ASMTL: variants seen among roughly 807,000 people sequenced by gnomAD.
ASMTL encodes acetylserotonin O-methyltransferase like.
In ASMTL, 57 loss-of-function variants were observed where a neutral mutation model predicts 60.3. That is an observed-to-expected ratio of 0.95 (90% confidence interval 0.76 to 1.18). ASMTL has a LOEUF of 1.18. ASMTL is among the 50% of genes most tolerant of loss of function. The probability of loss-of-function intolerance (pLI) is 0.00; values close to 1 mark genes in which losing one functional copy is unlikely to be tolerated. For synonymous variants in ASMTL, 419 were observed against 373.0 expected (o/e 1.12, Z -1.42); for missense variants, 981 against 852.6 (o/e 1.15, Z -1.88).
Position 1,412,860 on chromosome X carries a change from T to C in ASMTL, c.1523-6A>G. On this transcript the variant is annotated splice_polypyrimidine_tract_variant and splice_region_variant and intron_variant, in intron 11 of 12. Coordinates refer to ENST00000381317, the MANE Select transcript of ASMTL (RefSeq NM_004192.4). ...GGGGTCCCTGAAAAAGTCACCTGGT[T>C]TAAAGACAAAACGAGATACGTCCGT... 6.2e-7 allele frequency: 1 copy of C among 1,613,702 alleles called. No homozygotes were observed. Among genetic ancestry groups the C allele is most frequent in the South Asian group, 1.1e-5 (1 of 91,064 alleles).
rs199903240 is a variant in ASMTL, at chrX:1,403,464, C to T, written c.1671G>A (p.Thr557=). The T allele has an allele frequency of 4.7e-4, 764 of 1,612,938 alleles. 2 individuals carry two copies. The highest frequency in any genetic ancestry group is 6.3e-4 in the Non-Finnish European group (746 of 1,179,856). ...KPGAGLLLVE[T]LLDEEKRVAQ... is the part of the protein sequence containing the mutation. ...CCACCCTCTTCTCCTCATCCAGGAG[C>T]GTCTCCACCAGCAGCAGGCCGGCCC... The change falls in exon 13 of 13, where the codon ACG becomes ACA. Residue 557 remains threonine, a synonymous_variant. Transcript: ENST00000381317.
intron 7 of ASMTL, among the ~76,000 whole-genome samples, chrX:1,426,490 CT>C (rs1451261162): frequency 1.3e-5 from 2 of 152,186 alleles, no homozygotes; most frequent in African/African-American, 4.8e-5. Flanking sequence ...TGAGGGACCC[CT>C]GGTGTTGGGA....
At chrX:1,430,366 A>C (rs1275436389) in intron 6 of ASMTL, among the ~76,000 whole-genome samples, 1 of 152,134 alleles carries the variant, frequency 6.6e-6, no homozygotes, top group Admixed American at 6.6e-5. Context: ...ATTCCATATA[A>C]GTGAGATCCT....
rs749012744 is a variant in ASMTL at position 1,447,874 on chromosome X, T to C, written c.93+4874A>G. Reference sequence around the variant, plus strand: ...ACACCATCTGGGACACACACTGCCATCTTGGACCCATAACACCATCTTGGA... The same window carrying C: ...ACACCATCTGGGACACACACTGCCACCTTGGACCCATAACACCATCTTGGA... On this transcript the variant is annotated intron_variant, in intron 1 of 12. Coordinates refer to ENST00000381317, the MANE Select transcript of ASMTL (RefSeq NM_004192.4). Among the ~76,000 whole-genome samples the C allele has an allele frequency of 2.0e-5, 3 of 149,500 alleles. No homozygotes were observed. The East Asian group carries it at 6.0e-4, about 30-fold the overall frequency.
intron 6 of ASMTL, among the ~76,000 whole-genome samples, chrX:1,429,101 G>A (rs2090700259): frequency 6.6e-6 from 1 of 151,632 alleles, no homozygotes; most frequent in Non-Finnish European, 1.5e-5. Flanking sequence ...CACCATGTTG[G>A]CCACGATGGT....
chrX:1,410,986 G>C (rs181970169), intron 12 of ASMTL, among the ~76,000 whole-genome samples: 6 of 151,740 alleles, frequency 4.0e-5, no homozygotes, highest in Non-Finnish European at 8.8e-5. Flanking sequence ...GGGAGTTCGA[G>C]ACCAGCCTGA....
chrX:1,416,052 C>A (rs770054727), intron 11 of ASMTL, among the ~76,000 whole-genome samples: 1 of 150,034 alleles, frequency 6.7e-6, no homozygotes, highest in Non-Finnish European at 1.5e-5. Flanking sequence ...CAGGCACACG[C>A]GCACAGAGAC....
At chrX:1,452,467 C>T (rs1458311532) in intron 1 of ASMTL, among the ~76,000 whole-genome samples, 2 of 150,284 alleles carry the variant, frequency 1.3e-5, no homozygotes, top group Non-Finnish European at 3.0e-5. Flanking sequence ...CTAGGGGTCC[C>T]GGGTTACGAT....
In ASMTL at chrX:1,427,634, C is replaced by A. The variant is rs1194106014; in HGVS notation, c.897+100G>T. 3 of 1,330,224 alleles carry A rather than the reference C, an allele frequency of 2.3e-6. No homozygotes were observed. In the Admixed American group the frequency reaches 6.4e-5, roughly 28 times the overall value. The allele number at this position is 1,330,224 out of a possible 1,614,324, so 82.4% of individuals were successfully genotyped here. ...GGCCCTGAGACAACCTGACCTCAGACTGCCAGCCTCCAGGACAGTGAGAAG... is the reference window on the plus strand; with the variant it reads ...GGCCCTGAGACAACCTGACCTCAGAATGCCAGCCTCCAGGACAGTGAGAAG... On this transcript the variant is annotated intron_variant, in intron 7 of 12. Coordinates refer to ENST00000381317, the MANE Select transcript of ASMTL (RefSeq NM_004192.4).
chrX:1,414,505 C>T (rs1443036375), intron 11 of ASMTL, among the ~76,000 whole-genome samples: 4 of 152,024 alleles, frequency 2.6e-5, no homozygotes, highest in African/African-American at 9.7e-5. Flanking sequence ...GTGAGGAGTT[C>T]GAGACCAGCC....
chrX:1,417,643 CCACA>C (rs1223508071), intron 11 of ASMTL, among the ~76,000 whole-genome samples: 3 of 150,728 alleles, frequency 2.0e-5, no homozygotes, highest in African/African-American at 2.4e-5. Context: ...ACACATATAC[CCACA>C]CAGACACACA....
At chrX:1,414,443 G>A (rs1307180544) in intron 11 of ASMTL, among the ~76,000 whole-genome samples, 6 of 152,126 alleles carry the variant, frequency 3.9e-5, no homozygotes, top group Non-Finnish European at 8.8e-5. Flanking sequence ...TTCCGGCCGG[G>A]CGGGGTGTAA....
At chrX:1,438,996 G>A in intron 3 of ASMTL, 101 bp downstream of exon 3, 1 of 1,284,014 alleles carries the variant, frequency 7.8e-7, no homozygotes, top group Non-Finnish European at 1.1e-6. Context: ...CGAGTCCACT[G>A]CTGTCTTAAG....
In ASMTL at chrX:1,434,348, G is replaced by C. The variant is rs2090901134; in HGVS notation, c.400+674C>G. 2.0e-5 allele frequency among the ~76,000 whole-genome samples: 3 copies of C among 151,992 alleles called. No individual in the cohort carries two copies. The South Asian group carries it at 6.2e-4, about 32-fold the overall frequency. ...CTATAAAAAATACAAAAATGAGCCA[G>C]GTGTGGTGGCGTGTGCCTGTAGTTT... On this transcript the variant is annotated intron_variant, in intron 5 of 12. Coordinates refer to ENST00000381317, the MANE Select transcript of ASMTL (RefSeq NM_004192.4).
chrX:1,452,932 T>G, upstream of ASMTL: 1 of 1,044,272 alleles, frequency 9.6e-7, no homozygotes, highest in Non-Finnish European at 1.3e-6. Flanking sequence ...GCGGCCAGAG[T>G]CCCGCCTCCG....
In ASMTL at chrX:1,419,210, A is replaced by G; in HGVS notation, c.1246-96T>C. 2.1e-6 allele frequency: 3 copies of G among 1,436,532 alleles called. 1 individual carries two copies. The South Asian group carries it at 3.7e-5, about 18-fold the overall frequency. 89.0% of individuals were successfully genotyped at this position (1,436,532 alleles called of 1,614,324 possible). The stretch of plus-strand genomic sequence containing the variant: ...GTCGGGGGGAGAAGTGCAGGGCTCC[A>G]GAGCGTGGGGGCTCAGCCGCGCCTG... On this transcript the variant is annotated intron_variant, in intron 9 of 12. Coordinates refer to ENST00000381317, the MANE Select transcript of ASMTL (RefSeq NM_004192.4).
chrX:1,440,737 C>G (rs1276395901), intron 2 of ASMTL, among the ~76,000 whole-genome samples: 2 of 152,104 alleles, frequency 1.3e-5, no homozygotes. Flanking sequence ...AGTTGGAGAC[C>G]AGCCTGGCCA....
chrX:1,423,154 G>A (rs1189881066), intron 8 of ASMTL, among the ~76,000 whole-genome samples: 13 of 152,174 alleles, frequency 8.5e-5, no homozygotes, highest in Admixed American at 4.6e-4. Flanking sequence ...GGGTTTCACC[G>A]TGTTAGCCAG....
chrX:1,432,027 C>T (rs1377339375), intron 6 of ASMTL: 21 of 578,086 alleles, frequency 3.6e-5, no homozygotes, highest in Non-Finnish European at 5.9e-5. Flanking sequence ...CAGTCCCCAC[C>T]GCAGCCCAGC....
Sources: allele counts gnomAD v4.1 joint callset (sites outside exome capture counted in the v4.1 genomes callset), GRCh38; gene constraint gnomAD v4.1.1; transcripts MANE v1.5; gene names NCBI Gene and HGNC (gene_info 2026-07-23, HGNC 2026-07-21).